Variants in RABEPK observed in about 807,000 individuals in gnomAD.
RABEPK encodes the protein 40 kDa Rab9 effector protein.
Under a neutral mutation model 34.1 loss-of-function variants are expected in RABEPK, and 27 were observed. The ratio of observed to expected loss-of-function variants is 0.79; its 90% CI spans 0.58 to 1.09. The LOEUF (loss-of-function observed/expected upper bound fraction) is 1.09. Ranked by LOEUF, RABEPK falls within the 50% of genes least tolerant of loss-of-function variation. RABEPK has a pLI of 0.00. For missense variants in RABEPK, 449 were observed against 462.6 expected (o/e 0.97, Z 0.27); for synonymous variants, 172 against 169.2 (o/e 1.02, Z -0.13).
intron 3 of RABEPK, among the ~76,000 whole-genome samples, chr9:125,208,441 T>C (rs1247891354): frequency 6.6e-6 from 1 of 151,928 alleles, no homozygotes; most frequent in Non-Finnish European, 1.5e-5. Flanking sequence ...GGCGCGATCT[T>C]CACTCATTGC....
Position 125,207,578 on chromosome 9 carries a change from T to C in RABEPK, c.68T>C (p.Val23Ala). The change falls in exon 3 of 8, where the codon GTC becomes GCC. Residue 23 changes from valine (V) to alanine (A), a missense_variant. By Grantham distance (64) the Val-to-Ala change is moderately conservative (BLOSUM62 0). Transcript: ENST00000373538. ...PRKATWYTLT[V>A]PGDSPCARVG... The stretch of plus-strand genomic sequence containing the variant: ...TCCTTTGGCAGGTACACCTTGACTG[T>C]CCCTGGAGACAGCCCCTGTGCTCGA... 5 of 1,614,102 alleles carry C rather than the reference T, an allele frequency of 3.1e-6. No homozygotes were observed. The highest frequency in any genetic ancestry group is 4.2e-6 in the Non-Finnish European group (5 of 1,179,934).
chr9:125,225,768 G>T (rs1376297740), intron 5 of RABEPK, among the ~76,000 whole-genome samples: 2 of 151,962 alleles, frequency 1.3e-5, no homozygotes, highest in Admixed American at 1.3e-4. Context: ...AGACCATCCT[G>T]GCTAACACGG....
At chr9:125,209,088 T>TG (rs1830427139) in intron 3 of RABEPK, among the ~76,000 whole-genome samples, 1 of 148,060 alleles carries the variant, frequency 6.8e-6, no homozygotes, top group South Asian at 2.1e-4. Context: ...GACCAAGTCT[T>TG]GCTCTGTTGC....
At chr9:125,226,169 T>G (rs1831730407) in intron 5 of RABEPK, among the ~76,000 whole-genome samples, 1 of 145,710 alleles carries the variant, frequency 6.9e-6, no homozygotes, top group Admixed American at 6.9e-5. Context: ...AAAAAAAAAT[T>G]AGCTGGGTGT....
intron 5 of RABEPK, among the ~76,000 whole-genome samples, chr9:125,225,310 G>A (rs1831655068): frequency 6.6e-6 from 1 of 151,948 alleles, no homozygotes; most frequent in South Asian, 2.1e-4. Flanking sequence ...GCTTGAACCT[G>A]CGAGGCAGAG....
intron 4 of RABEPK, among the ~76,000 whole-genome samples, chr9:125,214,792 C>CTTTTTTTTTTTTTTTTTTTTCTGTTT (rs34203731): frequency 7.2e-6 from 1 of 138,916 alleles, no homozygotes. Flanking sequence ...AATTTTCTGT[C>CTTTTTTTTTTTTTTTTTTTTCTGTTT]TTTTTTTTTT....
At chr9:125,220,492 G>T in intron 4 of RABEPK, 47 bp from the exon 5 acceptor site, 2 of 1,522,976 alleles carry the variant, frequency 1.3e-6, no homozygotes, top group South Asian at 2.4e-5. Context: ...AAGGTCAGAA[G>T]CCCCTCTACC....
chr9:125,200,791 G>A lies in RABEPK; in HGVS notation c.-122G>A, dbSNP rs1021650892. 16 of 471,152 alleles carry A rather than the reference G, an allele frequency of 3.4e-5. No homozygotes were observed. Among genetic ancestry groups the A allele is most frequent in the African/African-American group, 3.2e-4 (16 of 50,114 alleles). The allele number at this position is 471,152 out of a possible 1,614,324, so 29.2% of individuals were successfully genotyped here. On this transcript the variant is annotated 5_prime_UTR_variant, in exon 1 of 8. Transcript: ENST00000373538. ...CTCCTATCCCCTAGAACTGCCACGT[G>A]GGGATGAGATTTGCTGGGCTGGTAG...
chr9:125,202,927 G>T (rs1829997492), intron 1 of RABEPK, 81 bp from the exon 2 acceptor site: 9 of 1,081,484 alleles, frequency 8.3e-6, no homozygotes, highest in Non-Finnish European at 1.3e-5. Context: ...ACATTCAACA[G>T]GAAAGGTTTA....
chr9:125,209,591 C>G (rs1197645154), intron 3 of RABEPK, among the ~76,000 whole-genome samples: 4 of 152,110 alleles, frequency 2.6e-5, no homozygotes, highest in South Asian at 4.2e-4. Context: ...CTCAAGTGAT[C>G]TGCTTGCATC....
rs1170391592 is a variant in RABEPK, at chr9:125,213,541, T to C, written c.364+19T>C. ...AATCCTGGTAAGTAGCCAAAGGTTA[T>C]TTTATTTACGTACATACAAATAAAC... On this transcript the variant is annotated intron_variant, in intron 4 of 7. Transcript: ENST00000373538. 1.2e-6 allele frequency: 2 copies of C among 1,607,386 alleles called. No homozygotes were observed. The highest frequency in any genetic ancestry group is 1.7e-6 in the Non-Finnish European group (2 of 1,175,536).
chr9:125,204,529 C>T (rs980560139), intron 2 of RABEPK, among the ~76,000 whole-genome samples: 2 of 151,526 alleles, frequency 1.3e-5, no homozygotes, highest in East Asian at 2.0e-4. Flanking sequence ...TGCAGCAAGC[C>T]GAGATGGTGC....
At chr9:125,211,236 CAA>C (rs201121898) in intron 3 of RABEPK, among the ~76,000 whole-genome samples, 1 of 144,002 alleles carries the variant, frequency 6.9e-6, no homozygotes. Flanking sequence ...GACGCCATCT[CAA>C]AAAAAAAAGA....
At chr9:125,207,375 G>C (rs1170551766) in intron 2 of RABEPK, among the ~76,000 whole-genome samples, 189 bp from the exon 3 acceptor site, 1 of 152,160 alleles carries the variant, frequency 6.6e-6, no homozygotes, top group East Asian at 1.9e-4. Context: ...TGACAAAATT[G>C]AAAAGCCAAA....
chr9:125,218,260 CAA>C (rs1324060478), intron 4 of RABEPK, among the ~76,000 whole-genome samples: 46 of 123,910 alleles, frequency 3.7e-4, no homozygotes, highest in Non-Finnish European at 3.1e-5. Flanking sequence ...GCGGAGCTTG[CAA>C]AGTGAGCCGA....
chr9:125,212,318 A>C lies in RABEPK; in HGVS notation c.212-1052A>C, dbSNP rs561226285. Among the ~76,000 whole-genome samples the C allele has an allele frequency of 1.3e-4, 20 of 152,230 alleles. No individual in the cohort carries two copies. In the East Asian group the frequency reaches 3.3e-3, roughly 25 times the overall value. The stretch of plus-strand genomic sequence containing the variant: ...CACTGCAAGCTCCACCTCCCGGGTT[A>C]ATGCCATTCTCCTGCCTCAGCCTCC... On this transcript the variant is annotated intron_variant, in intron 3 of 7. Transcript: ENST00000373538.
intron 2 of RABEPK, among the ~76,000 whole-genome samples, chr9:125,205,106 A>G (rs1237485695): frequency 2.0e-5 from 3 of 151,982 alleles, no homozygotes; most frequent in East Asian, 1.9e-4. Flanking sequence ...TACAGGTGTG[A>G]GCCACCACAC....
intron 4 of RABEPK, among the ~76,000 whole-genome samples, chr9:125,214,765 A>G (rs562165611): frequency 6.8e-6 from 1 of 147,364 alleles, no homozygotes; most frequent in African/African-American, 2.5e-5. Flanking sequence ...ATCCATTATT[A>G]TATTAAGGCT....
At chr9:125,218,272 A>T (rs1831079115) in intron 4 of RABEPK, among the ~76,000 whole-genome samples, 1 of 136,234 alleles carries the variant, frequency 7.3e-6, no homozygotes. Flanking sequence ...AAGTGAGCCG[A>T]GATCGCGCCA....
Sources: allele counts gnomAD v4.1 joint callset (sites outside exome capture counted in the v4.1 genomes callset), GRCh38; gene constraint gnomAD v4.1.1; transcripts MANE v1.5; gene names NCBI Gene and HGNC (gene_info 2026-07-23, HGNC 2026-07-21).